STEAP1B: variants seen among roughly 807,000 people sequenced by gnomAD.
STEAP1B encodes STEAP family protein MGC87042.
STEAP1B carries 13 observed loss-of-function variants against 27.9 expected under a neutral mutation model. The observed-to-expected ratio is 0.47, with a 90% CI of 0.30 to 0.74. STEAP1B has a LOEUF of 0.74. Among genes scored for constraint, STEAP1B ranks in the 30% least tolerant of loss-of-function variants. STEAP1B has a pLI of 0.06. For synonymous variants in STEAP1B, 86 were observed against 107.1 expected (o/e 0.80, Z 1.22); for missense variants, 250 against 298.7 (o/e 0.84, Z 1.20).
At chr7:22,470,686 G>T (rs1311110895) in intron 4 of STEAP1B, among the ~76,000 whole-genome samples, 1 of 152,086 alleles carries the variant, frequency 6.6e-6, no homozygotes, top group Non-Finnish European at 1.5e-5. Flanking sequence ...TTGAATCCTG[G>T]AATAGAAAAA....
At chr7:22,453,410 C>CT (rs745324266) in intron 4 of STEAP1B, among the ~76,000 whole-genome samples, 1 of 152,174 alleles carries the variant, frequency 6.6e-6, no homozygotes, top group Non-Finnish European at 1.5e-5. Context: ...ACAGAGACCC[C>CT]TTTGCAGTCA....
At chr7:22,449,575 G>C (rs780685313) in intron 4 of STEAP1B, among the ~76,000 whole-genome samples, 1 of 152,154 alleles carries the variant, frequency 6.6e-6, no homozygotes, top group Non-Finnish European at 1.5e-5. Flanking sequence ...CAAAATCTTG[G>C]CTATTGTGAA....
In STEAP1B at chr7:22,463,634, C is replaced by A. The variant is rs13308670; in HGVS notation, c.762+28931G>T. 1.5e-3 allele frequency among the ~76,000 whole-genome samples: 232 copies of A among 152,232 alleles called. 1 individual carries two copies. Among genetic ancestry groups the A allele is most frequent in the Non-Finnish European group, 2.8e-3 (188 of 68,018 alleles). On this transcript the variant is annotated intron_variant, in intron 4 of 4. Coordinates refer to ENST00000678116, the MANE Select transcript of STEAP1B (RefSeq NM_001382447.1). ...TATAGATCAATGGAACAAAACAGAA[C>A]CCTCAGAAATAACGCCGCGTATCTA...
At chr7:22,474,793 C>T (rs115959111) in intron 4 of STEAP1B, among the ~76,000 whole-genome samples, 371 of 152,264 alleles carry the variant, frequency 2.4e-3, no homozygotes, top group African/African-American at 8.3e-3. Context: ...GAGCTCCAAT[C>T]GCCTCTCCCT....
chr7:22,486,017 C>T (rs1296716666), intron 4 of STEAP1B, among the ~76,000 whole-genome samples: 1 of 152,170 alleles, frequency 6.6e-6, no homozygotes, highest in Non-Finnish European at 1.5e-5. Flanking sequence ...AAGCCTGCCA[C>T]ACTCAGTGGT....
chr7:22,421,997 T>A (rs183009037), intron 4 of STEAP1B, among the ~76,000 whole-genome samples: 2 of 152,390 alleles, frequency 1.3e-5, no homozygotes, highest in Non-Finnish European at 2.9e-5. Context: ...AATAGCTGGA[T>A]GCACTTTTCA....
At chr7:22,478,933 G>A (rs541096251) in intron 4 of STEAP1B, among the ~76,000 whole-genome samples, 21 of 152,212 alleles carry the variant, frequency 1.4e-4, no homozygotes, top group African/African-American at 4.3e-4. Flanking sequence ...AGAGGTGCAC[G>A]GTGCAAGTGG....
At chr7:22,486,747 CCT>C (rs1786215894) in intron 4 of STEAP1B, among the ~76,000 whole-genome samples, 1 of 152,090 alleles carries the variant, frequency 6.6e-6, no homozygotes, top group Non-Finnish European at 1.5e-5. Context: ...GCCCTCACTC[CCT>C]CTCAGGCAAG....
At chr7:22,497,578 C>T (rs1786464323) in intron 1 of STEAP1B, among the ~76,000 whole-genome samples, 1 of 151,978 alleles carries the variant, frequency 6.6e-6, no homozygotes, top group African/African-American at 2.4e-5. Flanking sequence ...ACTCTGTGAC[C>T]AACATTAAAG....
At chr7:22,456,973 T>TATATATATATATATATATATA (rs1554285707) in intron 4 of STEAP1B, among the ~76,000 whole-genome samples, 7 of 59,264 alleles carry the variant, frequency 1.2e-4, no homozygotes, top group Admixed American at 1.8e-4. Flanking sequence ...TATATATATA[T>TATATATATATATATATATATA]TTTTTTTTTT....
intron 4 of STEAP1B, among the ~76,000 whole-genome samples, chr7:22,447,341 A>T (rs1026711142): frequency 6.6e-6 from 1 of 152,180 alleles, no homozygotes; most frequent in East Asian, 1.9e-4. Context: ...TAAAGAAATG[A>T]CTTCTTGTGT....
chr7:22,464,921 C>T (rs1453029467), intron 4 of STEAP1B, among the ~76,000 whole-genome samples: 2 of 70,186 alleles, frequency 2.8e-5, no homozygotes, highest in African/African-American at 9.1e-5. Context: ...CCAGTGGATA[C>T]CCGAAACCAC....
chr7:22,428,283 C>A (rs1407556666), intron 4 of STEAP1B, among the ~76,000 whole-genome samples: 6 of 152,190 alleles, frequency 3.9e-5, no homozygotes, highest in African/African-American at 1.2e-4. Context: ...TATGCCAATA[C>A]GCTTTGATAA....
At chr7:22,472,755 T>A (rs1237111431) in intron 4 of STEAP1B, among the ~76,000 whole-genome samples, 1 of 152,118 alleles carries the variant, frequency 6.6e-6, no homozygotes, top group African/African-American at 2.4e-5. Context: ...CAGAAACATT[T>A]CACACATGTA....
At chr7:22,469,150 T>C (rs1036962798) in intron 4 of STEAP1B, among the ~76,000 whole-genome samples, 2 of 152,326 alleles carry the variant, frequency 1.3e-5, no homozygotes, top group East Asian at 1.9e-4. Context: ...AGCAGTGATA[T>C]TGATGATCTG....
intron 4 of STEAP1B, among the ~76,000 whole-genome samples, chr7:22,448,503 G>A (rs558253065): frequency 6.6e-6 from 1 of 151,912 alleles, no homozygotes; most frequent in African/African-American, 2.4e-5. Flanking sequence ...ATTCTGTGTA[G>A]TAATAATATT....
chr7:22,473,865 A>T (rs1179170879), intron 4 of STEAP1B, among the ~76,000 whole-genome samples: 1 of 152,188 alleles, frequency 6.6e-6, no homozygotes, highest in Admixed American at 6.5e-5. Flanking sequence ...GACAGGATCC[A>T]GCAGGAAAGT....
intron 4 of STEAP1B, among the ~76,000 whole-genome samples, chr7:22,456,972 A>ATTTTTT (rs3064738): frequency 1.8e-5 from 1 of 57,080 alleles, no homozygotes; most frequent in African/African-American, 7.0e-5. Flanking sequence ...ATATATATAT[A>ATTTTTT]TTTTTTTTTT....
At chr7:22,456,548 G>A (rs1785580654) in intron 4 of STEAP1B, among the ~76,000 whole-genome samples, 1 of 152,150 alleles carries the variant, frequency 6.6e-6, no homozygotes, top group African/African-American at 2.4e-5. Flanking sequence ...TTTAGTCACA[G>A]TAATCATCTA....
Sources: gnomAD v4.1 joint callset for allele counts (sites outside exome capture counted in the v4.1 genomes callset) on GRCh38, gnomAD v4.1.1 for gene constraint, MANE v1.5 for transcripts, NCBI Gene and HGNC (gene_info 2026-07-23, HGNC 2026-07-21) for gene names.